ITGA9: variants seen among roughly 807,000 people sequenced by gnomAD.
ITGA9 encodes the protein integrin subunit alpha 9, also known as integrin alpha-9.
ITGA9 carries 56 observed loss-of-function variants against 127.8 expected under a neutral mutation model. The observed-to-expected ratio is 0.44, with a 90% CI of 0.35 to 0.55. The LOEUF (loss-of-function observed/expected upper bound fraction) is 0.55. ITGA9 is among the 20% of genes least tolerant of loss of function. The probability of loss-of-function intolerance (pLI) is 0.00; values close to 1 mark genes in which losing one functional copy is unlikely to be tolerated. For synonymous variants in ITGA9, 508 were observed against 514.5 expected, an observed-to-expected ratio of 0.99 and a Z score of 0.17; for missense variants, 1,196 against 1,347.1, an observed-to-expected ratio of 0.89 and a Z score of 1.76.
At chr3:37,708,961 A>G (rs1701046170) in intron 18 of ITGA9, among the ~76,000 whole-genome samples, 1 of 151,692 alleles carries the variant, frequency 6.6e-6, no homozygotes, top group Non-Finnish European at 1.5e-5. Flanking sequence ...TTTCTGGCTT[A>G]AATCTGCTCC....
chr3:37,509,610 T>A (rs1965078), intron 8 of ITGA9, among the ~76,000 whole-genome samples: 93,392 of 151,932 alleles, frequency 0.61, 29,026 homozygotes, highest in East Asian at 0.86. Context: ...CAATTTTAAC[T>A]ATCCGAATAG....
At chr3:37,668,642 A>G (rs1174376886) in intron 17 of ITGA9, among the ~76,000 whole-genome samples, 2 of 152,190 alleles carry the variant, frequency 1.3e-5, no homozygotes, top group African/African-American at 2.4e-5. Flanking sequence ...CTGTGGGCCA[A>G]GCCAAATTCT....
intron 15 of ITGA9, among the ~76,000 whole-genome samples, chr3:37,594,492 G>C (rs1309237934): frequency 1.7e-5 from 2 of 119,308 alleles, no homozygotes; most frequent in Non-Finnish European, 3.6e-5. Flanking sequence ...TCACTGTTAA[G>C]GAAGTTTGTA....
intron 5 of ITGA9, among the ~76,000 whole-genome samples, chr3:37,502,021 A>G (rs1185822543): frequency 1.3e-5 from 2 of 152,188 alleles, no homozygotes; most frequent in African/African-American, 4.8e-5. Context: ...GATTTCCATT[A>G]TCGTATCACC....
At chr3:37,667,430 G>T (rs990417189) in intron 17 of ITGA9, among the ~76,000 whole-genome samples, 2 of 151,928 alleles carry the variant, frequency 1.3e-5, no homozygotes, top group Non-Finnish European at 2.9e-5. Context: ...GTTCCCATTC[G>T]CTGAGGACAG....
At chr3:37,619,189 A>G (rs947673735) in intron 15 of ITGA9, among the ~76,000 whole-genome samples, 7 of 152,314 alleles carry the variant, frequency 4.6e-5, no homozygotes, top group Non-Finnish European at 7.3e-5. Context: ...GAGACTCTGC[A>G]TGTAACTCCC....
chr3:37,479,388 C>T (rs1460290197), intron 3 of ITGA9, among the ~76,000 whole-genome samples: 1 of 152,174 alleles, frequency 6.6e-6, no homozygotes, highest in East Asian at 1.9e-4. Flanking sequence ...CGACAAGAGG[C>T]AGAATGTGGG....
chr3:37,576,038 C>T (rs1699651320), intron 15 of ITGA9, among the ~76,000 whole-genome samples: 1 of 152,212 alleles, frequency 6.6e-6, no homozygotes, highest in Admixed American at 6.5e-5. Context: ...GCCATAACCC[C>T]GGGAAAGCTC....
rs183635218 is a variant in ITGA9, at chr3:37,738,295, C to A, written c.2234+1312C>A. On this transcript the variant is annotated intron_variant, in intron 20 of 27. Coordinates refer to ENST00000264741, the MANE Select transcript of ITGA9 (RefSeq NM_002207.3). ...GGAGGTAGCATTTAAACAGAGGAGT[C>A]TGTTTTCAGGCTGAAGCAACATGGG... 4.5e-3 allele frequency among the ~76,000 whole-genome samples: 678 copies of A among 152,322 alleles called. 4 individuals carry two copies. The highest frequency in any genetic ancestry group is 6.8e-3 in the Non-Finnish European group (465 of 68,030).
intron 23 of ITGA9, among the ~76,000 whole-genome samples, chr3:37,768,834 G>A (rs942019993): frequency 2.6e-5 from 4 of 151,262 alleles, no homozygotes; most frequent in African/African-American, 4.9e-5. Flanking sequence ...GACTCCAGCC[G>A]TGGCTCATGG....
At position 37,820,747 on chromosome 3, in the gene ITGA9, G is replaced by C. The variant is rs1235083838; in HGVS notation, c.*1758G>C. ...ATGGGGCTAAGAGCAGGGTCTAACG[G>C]AGTCTTAATGGCTTATTACAGCCTG... On this transcript the variant is annotated 3_prime_UTR_variant, in exon 28 of 28. Transcript: ENST00000264741. 6.6e-6 allele frequency: 1 copy of C among 152,170 alleles called. No homozygotes were observed. The highest frequency in any genetic ancestry group is 2.4e-5 in the African/African-American group (1 of 41,410). 9.4% of individuals were successfully genotyped at this position (152,170 alleles called of 1,614,324 possible).
intron 15 of ITGA9, among the ~76,000 whole-genome samples, chr3:37,626,103 T>C (rs1700173861): frequency 6.6e-6 from 1 of 152,228 alleles, no homozygotes; most frequent in Non-Finnish European, 1.5e-5. Flanking sequence ...AAACAGCCCT[T>C]ACTTCAAGCC....
chr3:37,539,621 G>A (rs1699246495), intron 14 of ITGA9, among the ~76,000 whole-genome samples: 1 of 152,146 alleles, frequency 6.6e-6, no homozygotes, highest in African/African-American at 2.4e-5. Flanking sequence ...ACATTTTGGA[G>A]GGTAATCTGC....
intron 15 of ITGA9, among the ~76,000 whole-genome samples, chr3:37,595,096 T>C (rs1396741877): frequency 6.6e-6 from 1 of 152,112 alleles, no homozygotes; most frequent in East Asian, 1.9e-4. Flanking sequence ...GTTGTTTTTG[T>C]TTTTGTTTTT....
At chr3:37,763,875 G>C (rs1035283114) in intron 23 of ITGA9, among the ~76,000 whole-genome samples, 5 of 152,110 alleles carry the variant, frequency 3.3e-5, no homozygotes, top group African/African-American at 9.7e-5. Flanking sequence ...ATGGTTGACT[G>C]TACCAAGCCA....
In ITGA9 at chr3:37,777,341, A is replaced by G. The variant is rs759098380; in HGVS notation, c.2542-51A>G. 4 of 1,609,360 alleles carry G rather than the reference A, an allele frequency of 2.5e-6. No individual in the cohort carries two copies. The African/African-American group carries it at 4.0e-5, about 16-fold the overall frequency. On this transcript the variant is annotated intron_variant, in intron 23 of 27. Coordinates refer to ENST00000264741, the MANE Select transcript of ITGA9 (RefSeq NM_002207.3). ...CTCTACAATAAGAGGCTCCAGCATC[A>G]TGATTCATTCTTGAGAATGACTCCT...
chr3:37,652,154 A>G (rs1329421655), intron 16 of ITGA9, among the ~76,000 whole-genome samples: 2 of 151,378 alleles, frequency 1.3e-5, no homozygotes, highest in South Asian at 4.2e-4. Context: ...AATTATGAAG[A>G]CAAAGTTTGT....
chr3:37,473,496 G>A (rs1429794906), intron 3 of ITGA9, 36 bp downstream of exon 3: 3 of 1,478,960 alleles, frequency 2.0e-6, no homozygotes, highest in Non-Finnish European at 1.9e-6. Context: ...GGAAGGGGGT[G>A]GCACTCTGAG....
intron 15 of ITGA9, among the ~76,000 whole-genome samples, chr3:37,582,689 A>T (rs1699721243): frequency 6.6e-6 from 1 of 152,206 alleles, no homozygotes; most frequent in Non-Finnish European, 1.5e-5. Flanking sequence ...AATCCCATTA[A>T]GTTGAAGGAA....
Sources: gnomAD v4.1 joint callset for allele counts (sites outside exome capture counted in the v4.1 genomes callset) on GRCh38, gnomAD v4.1.1 for gene constraint, MANE v1.5 for transcripts, NCBI Gene and HGNC (gene_info 2026-07-23, HGNC 2026-07-21) for gene names.